The following SNAPC4 variants were observed in gnomAD, a reference collection of about 807,000 sequenced individuals.
The protein encoded by SNAPC4 is small nuclear RNA activating complex polypeptide 4, also known as snRNA-activating protein complex subunit 4.
In SNAPC4, 127 loss-of-function variants were observed where a neutral mutation model predicts 151.3. The ratio of observed to expected loss-of-function variants is 0.84; its 90% CI spans 0.73 to 0.97. SNAPC4 has a LOEUF of 0.97. SNAPC4 is among the 50% of genes least tolerant of loss of function. The pLI is 0.00. For missense variants in SNAPC4, 2,186 were observed against 1,935.0 expected (o/e 1.13, Z -2.43); for synonymous variants, 1,002 against 824.4 (o/e 1.22, Z -3.69).
At position 136,383,345 on chromosome 9, in the gene SNAPC4, C is replaced by T; in HGVS notation, c.1824G>A (p.Gln608=). ...LSPPKGSSAS[Q]GGSKEASTTA... is the part of the protein sequence containing the mutation. ...TGGTGGAAGCTTCCTTGCTGCCGCC[C>T]TGGCTGGCACTGGACCCCTTGGGAG... The change falls in exon 16 of 24, where the codon CAG becomes CAA. Residue 608 remains glutamine, a synonymous_variant. Transcript: ENST00000684778. The surrounding 1 kb of genome is among the most constrained non-coding windows in gnomAD (Gnocchi z 4.2). 1.2e-6 allele frequency: 2 copies of T among 1,608,438 alleles called. No homozygotes were observed. Among genetic ancestry groups the T allele is most frequent in the Non-Finnish European group, 1.7e-6 (2 of 1,177,972 alleles).
Position 136,392,606 on chromosome 9 carries a change from GA to G in SNAPC4, c.738-13del. On this transcript the variant is annotated splice_polypyrimidine_tract_variant and intron_variant, in intron 8 of 23. Transcript: ENST00000684778. ...CTTCTGGAAGCTGGCTGGTGGAAGG[GA>G]TGAGGGTATTGGCACCACGCCTGGC... 3 of 1,613,840 alleles carry G rather than the reference GA, an allele frequency of 1.9e-6. No homozygotes were observed. Among genetic ancestry groups the G allele is most frequent in the African/African-American group, 1.3e-5 (1 of 75,068 alleles).
At chr9:136,389,008 G>GT (rs1296768185) in intron 10 of SNAPC4, among the ~76,000 whole-genome samples, 1 of 152,200 alleles carries the variant, frequency 6.6e-6, no homozygotes, top group Non-Finnish European at 1.5e-5. Flanking sequence ...GAGCTCTAGA[G>GT]TATCTCTCAG....
Position 136,378,817 on chromosome 9 carries a change from A to G in SNAPC4, c.3010T>C (p.Ser1004Pro). The G allele has an allele frequency of 6.3e-6, 10 of 1,591,370 alleles. No homozygotes were observed. Among genetic ancestry groups the G allele is most frequent in the Non-Finnish European group, 8.6e-6 (10 of 1,168,470 alleles). The change falls in exon 22 of 24, where the codon TCC becomes CCC. Residue 1004 changes from serine to proline, a missense_variant. Physicochemically the swap from Ser to Pro is moderately conservative, Grantham distance 74. Coordinates refer to ENST00000684778, the MANE Select transcript of SNAPC4 (RefSeq NM_003086.4). The stretch of plus-strand genomic sequence containing the variant: ...CCGGGGCCCAGGGCAGGGGCTTGGG[A>G]AGCAGCAGGGGCTGTGCCCTCGGCC... The part of the protein sequence containing the change: ...SEAEGTAPAA[S>P]QAPALGPGQI...
intron 17 of SNAPC4, 54 bp from the exon 18 acceptor site, chr9:136,382,127 G>A: frequency 5.8e-6 from 9 of 1,563,416 alleles, no homozygotes; most frequent in Non-Finnish European, 7.8e-6. Flanking sequence ...CCCCCGGAGT[G>A]GACCCTGCCC....
chr9:136,384,886 T>A, intron 13 of SNAPC4, 72 bp from the exon 14 acceptor site: 1 of 797,746 alleles, frequency 1.3e-6, no homozygotes, highest in Non-Finnish European at 2.1e-6. Context: ...CAAGCTTCTT[T>A]AATGGTTTCT....
At chr9:136,397,464 G>A (rs1305427107) in intron 2 of SNAPC4, among the ~76,000 whole-genome samples, 1 of 150,108 alleles carries the variant, frequency 6.7e-6, no homozygotes, top group Non-Finnish European at 1.5e-5. Context: ...AGCAAGGCTG[G>A]GGGGGTCTCC....
chr9:136,383,259 G>A lies in SNAPC4; in HGVS notation c.1910C>T (p.Pro637Leu), dbSNP rs759467388. The change falls in exon 16 of 24, where the codon CCT (proline) becomes CTT (leucine). Residue 637 changes from proline to leucine, a missense_variant. By Grantham distance (98) the Pro-to-Leu change is moderately conservative. Coordinates refer to ENST00000684778, the MANE Select transcript of SNAPC4 (RefSeq NM_003086.4). The surrounding 1 kb of genome is among the most constrained non-coding windows in gnomAD (Gnocchi z 4.2). Reference protein sequence around the residue: ...PVQVPARAHGPVPRSAQASHS... With the variant: ...PVQVPARAHGLVPRSAQASHS... ...GGAGGCCTGGGCAGACCTCGGGACA[G>A]GGCCGTGGGCCCTGGCAGGGACCTG... The A allele has an allele frequency of 1.2e-6, 2 of 1,608,444 alleles. No homozygotes were observed. Among genetic ancestry groups the A allele is most frequent in the South Asian group, 2.2e-5 (2 of 90,738 alleles).
chr9:136,399,536 G>A (rs1315103687), intron 1 of SNAPC4, among the ~76,000 whole-genome samples: 1 of 152,166 alleles, frequency 6.6e-6, no homozygotes. Flanking sequence ...TCAGCAGGAA[G>A]GAGGTCAAAG....
Position 136,378,225 on chromosome 9 carries a change from G to A in SNAPC4, c.3602C>T (p.Pro1201Leu). The change falls in exon 22 of 24, where the codon CCT becomes CTT. Residue 1201 changes from proline to leucine, a missense_variant. By Grantham distance (98) the Pro-to-Leu change is moderately conservative. Coordinates refer to ENST00000684778, the MANE Select transcript of SNAPC4 (RefSeq NM_003086.4). Reference sequence around the variant, plus strand: ...GAAGGCTGGCAGCCTCCCGGACCAAGGGGGTTCTGCTTCAGGAGGGTCAGC... The same window carrying A: ...GAAGGCTGGCAGCCTCCCGGACCAAAGGGGTTCTGCTTCAGGAGGGTCAGC... Reference protein sequence around the residue: ...SHADPPEAEPPWSGRLPAFGG... With the variant: ...SHADPPEAEPLWSGRLPAFGG... The A allele has an allele frequency of 1.2e-6, 2 of 1,611,568 alleles. No homozygotes were observed. Among genetic ancestry groups the A allele is most frequent in the Non-Finnish European group, 1.7e-6 (2 of 1,179,490 alleles).
intron 2 of SNAPC4, among the ~76,000 whole-genome samples, chr9:136,397,381 G>A (rs1385965868): frequency 6.6e-6 from 1 of 151,646 alleles, no homozygotes; most frequent in Non-Finnish European, 1.5e-5. Flanking sequence ...AGGCACGGAT[G>A]TAGAGGCCCT....
At chr9:136,385,158 A>G (rs185502152) in intron 13 of SNAPC4, among the ~76,000 whole-genome samples, 19 of 152,352 alleles carry the variant, frequency 1.2e-4, no homozygotes, top group East Asian at 5.8e-4. Flanking sequence ...CTAAAAACCT[A>G]TTTCTATGAA....
At chr9:136,382,228 C>T (rs3812573) in intron 17 of SNAPC4, 25 bp downstream of exon 17, 647,804 of 1,608,932 alleles carry the variant, frequency 0.4, 132,994 homozygotes, top group Admixed American at 0.51. Context: ...GTGGCGTGCG[C>T]GTGGGTGTCT....
At position 136,383,640 on chromosome 9, in the gene SNAPC4, C is replaced by T. The variant is rs1234053970; in HGVS notation, c.1529G>A (p.Arg510Gln). The T allele has an allele frequency of 6.8e-6, 11 of 1,608,954 alleles. No homozygotes were observed. Among genetic ancestry groups the T allele is most frequent in the African/African-American group, 4.0e-5 (3 of 74,878 alleles). ...CCACCGGACGCTGTGACGGGCCCTCCGCCGCCGCCTCCGGAGACCCTGCTT... is the reference window on the plus strand; with the variant it reads ...CCACCGGACGCTGTGACGGGCCCTCTGCCGCCGCCTCCGGAGACCCTGCTT... ...GKKQGLRRRR[R>Q]RARHSVRWSS... is the part of the protein sequence containing the mutation. Residue 510 changes from arginine (R) to glutamine (Q), a missense_variant, in exon 16 of 24, where the codon CGG becomes CAG. Arg to Gln is a conservative substitution (Grantham distance 43). Coordinates refer to ENST00000684778, the MANE Select transcript of SNAPC4 (RefSeq NM_003086.4). This position sits in a 1 kb window ranked among gnomAD's most constrained non-coding sequence, Gnocchi z 4.2.
intron 10 of SNAPC4, among the ~76,000 whole-genome samples, chr9:136,391,525 A>C (rs1373246487): frequency 6.6e-6 from 1 of 151,884 alleles, no homozygotes; most frequent in Non-Finnish European, 1.5e-5. Flanking sequence ...CTCGTTATCA[A>C]GACAAGAGAC....
chr9:136,392,824 G>T, intron 7 of SNAPC4, 47 bp from the exon 8 acceptor site: 1 of 1,495,948 alleles, frequency 6.7e-7, no homozygotes, highest in Non-Finnish European at 9.3e-7. Flanking sequence ...GAGGGCTGCG[G>T]GGCGGGGCAG....
At chr9:136,398,162 C>T in intron 2 of SNAPC4, 137 bp downstream of exon 2, 2 of 779,596 alleles carry the variant, frequency 2.6e-6, no homozygotes, top group Non-Finnish European at 4.0e-6. Context: ...CTCACCTCAG[C>T]CTCAGGAGTC....
At chr9:136,392,201 A>T in intron 9 of SNAPC4, 95 bp from the exon 10 acceptor site, 1 of 1,475,826 alleles carries the variant, frequency 6.8e-7, no homozygotes, top group East Asian at 2.3e-5. Flanking sequence ...CGCCAGCTGG[A>T]GGCTTCCACG....
chr9:136,391,652 CAGA>C (rs558630351), intron 10 of SNAPC4, among the ~76,000 whole-genome samples: 87 of 152,330 alleles, frequency 5.7e-4, no homozygotes, highest in African/African-American at 8.9e-4. Context: ...CTGATGGAGA[CAGA>C]AGAAGACTAG....
At chr9:136,380,975 C>T (rs1334167030) in intron 19 of SNAPC4, 125 bp from the exon 20 acceptor site, 4 of 626,876 alleles carry the variant, frequency 6.4e-6, no homozygotes, top group Admixed American at 2.7e-5. Context: ...CTCAGCCTTC[C>T]TGCCCTTCTG....
Sources: allele counts gnomAD v4.1 joint callset (sites outside exome capture counted in the v4.1 genomes callset), GRCh38; gene constraint gnomAD v4.1.1; non-coding constraint Gnocchi (gnomAD v3.1); transcripts MANE v1.5; gene names NCBI Gene and HGNC (gene_info 2026-07-23, HGNC 2026-07-21).